The following ABR variants were observed in gnomAD, a reference collection of about 807,000 sequenced individuals.
ABR encodes the protein ABR activator of RhoGEF and GTPase.
In ABR, 35 loss-of-function variants were observed where a neutral mutation model predicts 107.2. The ratio of observed to expected loss-of-function variants is 0.33; its 90% CI spans 0.25 to 0.43. The LOEUF is 0.43. Among genes scored for constraint, ABR ranks in the 20% least tolerant of loss-of-function variants. The pLI is 1.00. For missense variants in ABR, 815 were observed against 1,115.2 expected (o/e 0.73, Z 3.83); for synonymous variants, 498 against 462.0 (o/e 1.08, Z -1.00).
rs780131735 is a variant in ABR at position 1,079,317 on chromosome 17, C to T, written c.700+13G>A. On this transcript the variant is annotated intron_variant, in intron 6 of 22. Coordinates refer to ENST00000302538, the MANE Select transcript of ABR (RefSeq NM_021962.5). The stretch of plus-strand genomic sequence containing the variant: ...AGGTAGGTGCCTGTAATCCAGCCCG[C>T]TCCCCGAGGTACCTTCCATGGTGAC... 4.3e-6 allele frequency: 7 copies of T among 1,612,482 alleles called. No individual in the cohort carries two copies. In the African/African-American group the frequency reaches 8.0e-5, roughly 18 times the overall value.
intron 11 of ABR, among the ~76,000 whole-genome samples, 156 bp downstream of exon 11, chr17:1,058,589 G>A (rs924160872): frequency 3.3e-5 from 5 of 152,206 alleles, no homozygotes; most frequent in Non-Finnish European, 5.9e-5. Context: ...TTCCACACGA[G>A]AGGGGAGAGC....
chr17:1,100,725 C>G lies in ABR; in HGVS notation c.257G>C (p.Gly86Ala). 1.9e-6 allele frequency: 3 copies of G among 1,614,160 alleles called. No homozygotes were observed. Among genetic ancestry groups the G allele is most frequent in the Non-Finnish European group, 2.5e-6 (3 of 1,180,024 alleles). Residue 86 changes from glycine to alanine, a missense_variant, in exon 3 of 23, where the codon GGG (glycine) becomes GCG (alanine). Coordinates refer to ENST00000302538, the MANE Select transcript of ABR (RefSeq NM_021962.5). ...PEGLAPGVEA[G>A]KGLEMRKLVL... ...CAGCTTCCTCATCTCCAGGCCTTTC[C>G]CTGCTTCCACCTGCACAAACGCAAA...
rs2072340981 is a variant in ABR at position 1,027,869 on chromosome 17, A to G, written c.1792-14705T>C. ...GCAGAAGGCTGCGAGATCTTTCCTG[A>G]CGCCCAGACTGGATTATAAAATAAA... On this transcript the variant is annotated intron_variant, in intron 16 of 22. Transcript: ENST00000302538. This position sits in a 1 kb window ranked among gnomAD's most constrained non-coding sequence, Gnocchi z 4.7. 6.6e-6 allele frequency among the ~76,000 whole-genome samples: 1 copy of G among 151,860 alleles called. No homozygotes were observed. Among genetic ancestry groups the G allele is most frequent in the African/African-American group, 2.4e-5 (1 of 41,306 alleles).
At chr17:1,123,389 G>C (rs1173850083) in intron 2 of ABR, among the ~76,000 whole-genome samples, 3 of 152,206 alleles carry the variant, frequency 2.0e-5, no homozygotes, top group Admixed American at 2.0e-4. Flanking sequence ...GAGCCACCAA[G>C]CAAGACGCAC....
chr17:1,096,140 T>C lies in ABR; in HGVS notation c.346-4290A>G, dbSNP rs1443652022. Among the ~76,000 whole-genome samples the C allele has an allele frequency of 2.6e-5, 4 of 152,154 alleles. No individual in the cohort carries two copies. In the East Asian group the frequency reaches 7.7e-4, roughly 29 times the overall value. ...CTACTTCGGCCCAGGCTCCCAGGCTTTTCCTGTAATCAGAGCCCACCAGGA... is the reference window on the plus strand; with the variant it reads ...CTACTTCGGCCCAGGCTCCCAGGCTCTTCCTGTAATCAGAGCCCACCAGGA... On this transcript the variant is annotated intron_variant, in intron 3 of 22. Coordinates refer to ENST00000302538, the MANE Select transcript of ABR (RefSeq NM_021962.5).
rs190621522 is a variant in ABR at position 1,025,160 on chromosome 17, G to A, written c.1792-11996C>T. Among the ~76,000 whole-genome samples the A allele has an allele frequency of 3.0e-3, 439 of 146,544 alleles. 1 individual carries two copies. The highest frequency in any genetic ancestry group is 0.011 in the African/African-American group (423 of 38,920). On this transcript the variant is annotated intron_variant, in intron 16 of 22. Coordinates refer to ENST00000302538, the MANE Select transcript of ABR (RefSeq NM_021962.5). ...AAAATACAAAACTTGGCCGGGCGTG[G>A]TGGCGGGCACCTGTAATCCCAGCTA...
chr17:1,083,846 G>T, intron 4 of ABR: 1 of 528,920 alleles, frequency 1.9e-6, no homozygotes, highest in East Asian at 3.5e-5. Flanking sequence ...AGGTTAATGA[G>T]GGGGTCTGGG....
At position 1,141,692 on chromosome 17, in the gene ABR, G is replaced by C. The variant is rs558609385; in HGVS notation, c.62-16325C>G. ...GTGAGTTAAGACTACAGCAAGCTTT[G>C]TCAGCTAACTCTGCTGTTCATCAGT... On this transcript the variant is annotated intron_variant, in intron 1 of 22. Coordinates refer to ENST00000302538, the MANE Select transcript of ABR (RefSeq NM_021962.5). Among the ~76,000 whole-genome samples the C allele has an allele frequency of 2.3e-3, 349 of 152,174 alleles. 1 individual carries two copies. Among genetic ancestry groups the C allele is most frequent in the African/African-American group, 7.0e-3 (291 of 41,524 alleles).
Position 1,050,502 on chromosome 17 carries a change from G to A in ABR, c.1659+35C>T. On this transcript the variant is annotated intron_variant, in intron 15 of 22. Transcript: ENST00000302538. The surrounding 1 kb of genome is among the most constrained non-coding windows in gnomAD (Gnocchi z 4.6). The stretch of plus-strand genomic sequence containing the variant: ...GACAAGCCACGAGCACGGGGTGGTG[G>A]GGTCCCCACAGAGATGCCAGCCCCT... The A allele has an allele frequency of 1.3e-6, 2 of 1,587,644 alleles. No individual in the cohort carries two copies. The highest frequency in any genetic ancestry group is 8.6e-7 in the Non-Finnish European group (1 of 1,156,534).
chr17:1,067,386 C>CTGAT, intron 9 of ABR, 144 bp from the exon 10 acceptor site: 1 of 836,648 alleles, frequency 1.2e-6, no homozygotes, highest in Non-Finnish European at 1.8e-6. Flanking sequence ...CCTGAGGAGC[C>CTGAT]TGATTGGGAA....
At chr17:1,049,981 A>G in intron 16 of ABR, 69 bp downstream of exon 16, 2 of 1,549,508 alleles carry the variant, frequency 1.3e-6, no homozygotes, top group Non-Finnish European at 1.7e-6. Flanking sequence ...CTCCTTGACC[A>G]GAATTCCTTT....
chr17:1,122,319 C>A (rs2039391016), intron 2 of ABR, among the ~76,000 whole-genome samples: 1 of 152,234 alleles, frequency 6.6e-6, no homozygotes, highest in African/African-American at 2.4e-5. Context: ...CACAAGGTGT[C>A]CAGATACTTG....
Position 1,111,493 on chromosome 17 carries a change from C to CGTCTGG in ABR, c.247-10759_247-10758insCCAGAC, listed in dbSNP as rs1411316048. Among the ~76,000 whole-genome samples, 590 of 152,024 alleles carry CGTCTGG rather than the reference C, an allele frequency of 3.9e-3. 3 individuals are homozygous for CGTCTGG. The highest frequency in any genetic ancestry group is 0.013 in the African/African-American group (559 of 41,452). Reference sequence around the variant, plus strand: ...CTGAGCCAGCCCTGGACCTGAGCTCCACACTCCATCTGCCTCGGCCTGGCT... The same window carrying CGTCTGG: ...CTGAGCCAGCCCTGGACCTGAGCTCCGTCTGGACACTCCATCTGCCTCGGCCTGGCT... On this transcript the variant is annotated intron_variant, in intron 2 of 22. Transcript: ENST00000302538.
In ABR at chr17:1,078,844, T is replaced by C. The variant is rs949012288; in HGVS notation, c.700+486A>G. 4.6e-6 allele frequency: 7 copies of C among 1,535,364 alleles called. No homozygotes were observed. The highest frequency in any genetic ancestry group is 1.4e-5 in the African/African-American group (1 of 73,004). On this transcript the variant is annotated intron_variant, in intron 6 of 22. Coordinates refer to ENST00000302538, the MANE Select transcript of ABR (RefSeq NM_021962.5). The surrounding 1 kb of genome is among the most constrained non-coding windows in gnomAD (Gnocchi z 7.5). ...GTGCAGTTACAGCAGAAGCGAATAA[T>C]GAGGAGAATCTCCATGGCAGCCTCT...
intron 16 of ABR, among the ~76,000 whole-genome samples, chr17:1,022,106 C>CAAAAAAAAAAAAAAAAAAAAAAAAAAA (rs759234729): frequency 5.1e-5 from 2 of 39,230 alleles, no homozygotes; most frequent in East Asian, 7.4e-4. Flanking sequence ...GACTCTGTCT[C>CAAAAAAAAAAAAAAAAAAAAAAAAAAA]AAAAAAAAAA....
In ABR at chr17:1,032,272, C is replaced by G. The variant is rs1408567293; in HGVS notation, c.1791+17778G>C. Among the ~76,000 whole-genome samples the G allele has an allele frequency of 3.9e-5, 6 of 152,156 alleles. No individual in the cohort carries two copies. In the South Asian group the frequency reaches 1.0e-3, roughly 26 times the overall value. On this transcript the variant is annotated intron_variant, in intron 16 of 22. Transcript: ENST00000302538. The stretch of plus-strand genomic sequence containing the variant: ...ACTTCCCCACCCCCAACTTCTGCCC[C>G]AGGCACCTTCCTCAGAGCCAGCTTG...
At chr17:1,169,032 T>G (rs532664285) in intron 1 of ABR, among the ~76,000 whole-genome samples, 1 of 152,302 alleles carries the variant, frequency 6.6e-6, no homozygotes, top group Non-Finnish European at 1.5e-5. Context: ...CTCATGACCC[T>G]CCCCGTGACG....
chr17:1,112,163 A>T (rs965820287), intron 2 of ABR, among the ~76,000 whole-genome samples: 1 of 152,158 alleles, frequency 6.6e-6, no homozygotes, highest in Non-Finnish European at 1.5e-5. Flanking sequence ...CTGTCTGTTC[A>T]TTCATTCATT....
chr17:1,142,585 CAA>C (rs200832739), intron 1 of ABR, among the ~76,000 whole-genome samples: 19 of 105,140 alleles, frequency 1.8e-4, no homozygotes, highest in Admixed American at 3.1e-4. Flanking sequence ...AACTCCATCT[CAA>C]AAAAAAAAAA....
Sources: allele counts gnomAD v4.1 joint callset (sites outside exome capture counted in the v4.1 genomes callset), GRCh38; gene constraint gnomAD v4.1.1; non-coding constraint Gnocchi (gnomAD v3.1); transcripts MANE v1.5; gene names NCBI Gene and HGNC (gene_info 2026-07-23, HGNC 2026-07-21).